The following CACNG3 variants were observed in gnomAD, a reference collection of about 807,000 sequenced individuals.
CACNG3 encodes voltage-dependent calcium channel gamma-3 subunit.
In CACNG3, 3 loss-of-function variants were observed where a neutral mutation model predicts 28.5. That is an observed-to-expected ratio of 0.11 (90% CI 0.05 to 0.27). The LOEUF is 0.27. Ranked by LOEUF, CACNG3 falls within the 10% of genes least tolerant of loss-of-function variation. The pLI is 1.00. For missense variants in CACNG3, 236 were observed against 414.4 expected (o/e 0.57, Z 3.74); for synonymous variants, 174 against 162.2 (o/e 1.07, Z -0.55).
intron 1 of CACNG3, among the ~76,000 whole-genome samples, chr16:24,295,563 A>G (rs184125914): frequency 2.1e-4 from 32 of 152,322 alleles, no homozygotes; most frequent in Non-Finnish European, 3.4e-4. Flanking sequence ...AAGCAACTTT[A>G]ATGCCAGGTG....
chr16:24,313,103 G>GGAAGGAAT (rs2141365731), intron 1 of CACNG3, among the ~76,000 whole-genome samples: 1 of 151,724 alleles, frequency 6.6e-6, no homozygotes, highest in African/African-American at 2.4e-5. Context: ...AAGGAAGGAA[G>GGAAGGAAT]GAAGGAAGCT....
At chr16:24,296,782 G>T (rs1478043171) in intron 1 of CACNG3, among the ~76,000 whole-genome samples, 3 of 152,154 alleles carry the variant, frequency 2.0e-5, no homozygotes, top group Admixed American at 2.0e-4. Context: ...TGTTACTAAA[G>T]TCCCAAGAAG....
chr16:24,318,858 C>T (rs1434005642), intron 1 of CACNG3, among the ~76,000 whole-genome samples: 1 of 152,156 alleles, frequency 6.6e-6, no homozygotes, highest in Admixed American at 6.5e-5. Flanking sequence ...GGCAGGCAAC[C>T]CCACCAGTAG....
intron 1 of CACNG3, among the ~76,000 whole-genome samples, chr16:24,342,526 A>T (rs1899805480): frequency 6.6e-6 from 1 of 152,152 alleles, no homozygotes; most frequent in South Asian, 2.1e-4. Context: ...GAAATCTTTA[A>T]ACCGGGGACC....
chr16:24,361,570 T>C lies in CACNG3; in HGVS notation c.655T>C (p.Ser219Pro). ...ATCCCACTCGGAGTTCCTGAAGAAA[T>C]CTACTTTTGCCCGCCTCCCACCCTA... ...AKSHSEFLKK[S>P]TFARLPPYRY... The change falls in exon 4 of 4, where the codon TCT becomes CCT. Residue 219 changes from serine to proline, a missense_variant. By Grantham distance (74) the Ser-to-Pro change is moderately conservative. Around this residue, in one of 2 missense-constraint regions of CACNG3, gnomAD observed 116 missense variants for 151.0 expected, o/e 0.77. Transcript: ENST00000005284. This position sits in a 1 kb window ranked among gnomAD's most constrained non-coding sequence, Gnocchi z 6.8. 1 of 1,613,972 alleles carries C rather than the reference T, an allele frequency of 6.2e-7. No homozygotes were observed. Among genetic ancestry groups the C allele is most frequent in the Non-Finnish European group, 8.5e-7 (1 of 1,179,984 alleles).
chr16:24,313,760 T>A (rs185720623), intron 1 of CACNG3, among the ~76,000 whole-genome samples: 123 of 152,226 alleles, frequency 8.1e-4, no homozygotes, highest in Middle Eastern at 3.4e-3. Context: ...TTATTTATTT[T>A]TTGAGATGCA....
At chr16:24,261,924 G>A (rs1373084759) in intron 1 of CACNG3, among the ~76,000 whole-genome samples, 1 of 152,224 alleles carries the variant, frequency 6.6e-6, no homozygotes, top group African/African-American at 2.4e-5. Context: ...AAGCTGCAAA[G>A]ATGTGGTTGA....
chr16:24,272,122 T>TA (rs60800771), intron 1 of CACNG3, among the ~76,000 whole-genome samples: 19 of 149,398 alleles, frequency 1.3e-4, no homozygotes, highest in East Asian at 3.9e-4. Flanking sequence ...TCTTTAACTT[T>TA]AAAAAAAAAA....
chr16:24,260,324 T>C (rs911833385), intron 1 of CACNG3, among the ~76,000 whole-genome samples: 1 of 152,340 alleles, frequency 6.6e-6, no homozygotes, highest in East Asian at 1.9e-4. Context: ...AAAAATAAGC[T>C]AACCTACCAG....
At chr16:24,311,849 C>CA (rs1567215835) in intron 1 of CACNG3, among the ~76,000 whole-genome samples, 1 of 152,246 alleles carries the variant, frequency 6.6e-6, no homozygotes, top group African/African-American at 2.4e-5. Flanking sequence ...GACTCCATCT[C>CA]AAAAAATAAA....
intron 1 of CACNG3, among the ~76,000 whole-genome samples, chr16:24,312,959 A>AAGAG (rs770273555): frequency 0.034 from 4,729 of 139,462 alleles, 104 homozygotes; most frequent in African/African-American, 0.062. Context: ...AAGAAAGAGA[A>AAGAG]AGAAAGAAAA....
intron 1 of CACNG3, among the ~76,000 whole-genome samples, chr16:24,281,253 T>C (rs1898823498): frequency 6.6e-6 from 1 of 152,122 alleles, no homozygotes; most frequent in Admixed American, 6.5e-5. Flanking sequence ...TGGAGTGCCG[T>C]AGTAGAATCT....
At chr16:24,339,630 C>T (rs1046531233) in intron 1 of CACNG3, among the ~76,000 whole-genome samples, 1 of 152,194 alleles carries the variant, frequency 6.6e-6, no homozygotes, top group Non-Finnish European at 1.5e-5. Flanking sequence ...AGGTGATCCA[C>T]CGGCCTCAGC....
intron 1 of CACNG3, among the ~76,000 whole-genome samples, chr16:24,269,480 G>A (rs937941682): frequency 3.3e-5 from 5 of 152,094 alleles, no homozygotes; most frequent in East Asian, 3.9e-4. Context: ...AGCCGAGTGC[G>A]GTGGCTCACA....
chr16:24,294,259 TC>T (rs1202617013), intron 1 of CACNG3, among the ~76,000 whole-genome samples: 3 of 152,148 alleles, frequency 2.0e-5, no homozygotes, highest in Admixed American at 6.5e-5. Context: ...GAGGACAGTT[TC>T]CCCTTGGCTT....
At chr16:24,339,996 G>T (rs2141377254) in intron 1 of CACNG3, among the ~76,000 whole-genome samples, 1 of 152,282 alleles carries the variant, frequency 6.6e-6, no homozygotes, top group Admixed American at 6.5e-5. Flanking sequence ...GTGGCCAGGT[G>T]TGGTGGTTCA....
At chr16:24,266,779 C>T (rs1898614654) in intron 1 of CACNG3, among the ~76,000 whole-genome samples, 1 of 152,106 alleles carries the variant, frequency 6.6e-6, no homozygotes, top group Non-Finnish European at 1.5e-5. Flanking sequence ...CTGTGGCCTG[C>T]CTCCTGGATT....
In CACNG3 at chr16:24,361,551, C is replaced by A. The variant is rs1340673025; in HGVS notation, c.636C>A (p.His212Gln). 1 of 1,614,006 alleles carries A rather than the reference C, an allele frequency of 6.2e-7. No homozygotes were observed. Among genetic ancestry groups the A allele is most frequent in the East Asian group, 2.2e-5 (1 of 44,894 alleles). ...EKHQQLRAKSHSEFLKKSTFA... is the reference protein window; with the variant it reads ...EKHQQLRAKSQSEFLKKSTFA... ...ATCAGCAGTTACGAGCCAAATCCCA[C>A]TCGGAGTTCCTGAAGAAATCTACTT... Residue 212 changes from histidine to glutamine, a missense_variant, in exon 4 of 4, where the codon CAC (histidine) becomes CAA (glutamine). By Grantham distance (24) the His-to-Gln change is conservative. This residue lies in a region of CACNG3 where 116 missense variants were observed against 151.0 expected (regional missense o/e 0.77). Coordinates refer to ENST00000005284, the MANE Select transcript of CACNG3 (RefSeq NM_006539.4). The surrounding 1 kb of genome is among the most constrained non-coding windows in gnomAD (Gnocchi z 6.8).
intron 1 of CACNG3, among the ~76,000 whole-genome samples, chr16:24,314,759 C>CTCT (rs989178117): frequency 3.3e-5 from 5 of 150,798 alleles, no homozygotes; most frequent in African/African-American, 1.2e-4. Flanking sequence ...CCTCCTCCTC[C>CTCT]TCCTCCTCCT....
Sources: gnomAD v4.1 joint callset for allele counts (sites outside exome capture counted in the v4.1 genomes callset) on GRCh38, gnomAD v4.1.1 for gene constraint, gnomAD v4.1.1 regional missense constraint, Gnocchi (gnomAD v3.1) non-coding constraint, MANE v1.5 for transcripts, NCBI Gene and HGNC (gene_info 2026-07-23, HGNC 2026-07-21) for gene names.